The following LRRC4C variants were observed in gnomAD, a reference collection of about 807,000 sequenced individuals.
The protein encoded by LRRC4C is leucine-rich repeat-containing protein 4C.
Under a neutral mutation model 33.6 loss-of-function variants are expected in LRRC4C, and 5 were observed. The ratio of observed to expected loss-of-function variants is 0.15; its 90% confidence interval spans 0.08 to 0.31. The LOEUF (loss-of-function observed/expected upper bound fraction) is 0.31, where lower values mean the gene tolerates loss of function less well. LRRC4C is among the 10% of genes least tolerant of loss of function. The pLI is 1.00. For missense variants in LRRC4C, 560 were observed against 796.7 expected (o/e 0.70, Z 3.58); for synonymous variants, 329 against 302.0 (o/e 1.09, Z -0.93).
At chr11:40,282,375 A>C (rs775547078) in intron 4 of LRRC4C, among the ~76,000 whole-genome samples, 2 of 151,860 alleles carry the variant, frequency 1.3e-5, no homozygotes, top group Admixed American at 6.6e-5. Flanking sequence ...CAACAAAAAA[A>C]CCCCAAAAAC....
At position 40,373,851 on chromosome 11, in the gene LRRC4C, T is replaced by C. The variant is rs114125411; in HGVS notation, c.-269-54130A>G. Among the ~76,000 whole-genome samples the C allele has an allele frequency of 7.5e-3, 1,141 of 152,208 alleles. 13 individuals carry two copies. Among genetic ancestry groups the C allele is most frequent in the African/African-American group, 0.025 (1,055 of 41,532 alleles). ...CAAGTTAAAGCTCCCCCAGTCCTCA[T>C]CAGAAGCAAAGCGTACTCTGGAGAC... is the stretch of plus-strand genomic sequence containing the variant. On this transcript the variant is annotated intron_variant, in intron 3 of 6. Coordinates refer to ENST00000528697, the MANE Select transcript of LRRC4C (RefSeq NM_001258419.2).
At chr11:41,321,122 A>G (rs1950946204) in intron 1 of LRRC4C, among the ~76,000 whole-genome samples, 1 of 152,216 alleles carries the variant, frequency 6.6e-6, no homozygotes, top group African/African-American at 2.4e-5. Flanking sequence ...AGGCCCACTA[A>G]TAATTTTTCC....
chr11:40,331,660 G>T (rs1231026351), intron 3 of LRRC4C, among the ~76,000 whole-genome samples: 2 of 152,158 alleles, frequency 1.3e-5, no homozygotes, highest in Admixed American at 6.5e-5. Context: ...ATAACCACAA[G>T]GTGGAGGAAG....
At chr11:41,088,060 G>C (rs1199559936) in intron 1 of LRRC4C, among the ~76,000 whole-genome samples, 1 of 152,042 alleles carries the variant, frequency 6.6e-6, no homozygotes, top group Non-Finnish European at 1.5e-5. Context: ...GGTTGTAAAT[G>C]GCTTGCAAAA....
intron 2 of LRRC4C, among the ~76,000 whole-genome samples, chr11:40,664,544 CA>C (rs35543248): frequency 7.8e-4 from 117 of 150,000 alleles, no homozygotes; most frequent in African/African-American, 2.8e-3. Context: ...GACTCTGTCT[CA>C]AAAAAAAATG....
At chr11:41,001,375 T>C (rs1350403508) in intron 1 of LRRC4C, among the ~76,000 whole-genome samples, 1 of 152,174 alleles carries the variant, frequency 6.6e-6, no homozygotes, top group Non-Finnish European at 1.5e-5. Context: ...CAAATCCTTT[T>C]GTGCAATATC....
At chr11:41,247,619 A>C (rs1948495811) in intron 1 of LRRC4C, among the ~76,000 whole-genome samples, 2 of 152,238 alleles carry the variant, frequency 1.3e-5, no homozygotes, top group African/African-American at 4.8e-5. Flanking sequence ...TGAAAAAGCA[A>C]GAGTGCCTAT....
At chr11:41,098,001 A>C (rs1940924700) in intron 1 of LRRC4C, among the ~76,000 whole-genome samples, 1 of 152,072 alleles carries the variant, frequency 6.6e-6, no homozygotes, top group Non-Finnish European at 1.5e-5. Flanking sequence ...TTCCATTAAA[A>C]AAAATTCCTT....
At chr11:41,259,936 A>G (rs1202365783) in intron 1 of LRRC4C, among the ~76,000 whole-genome samples, 2 of 152,124 alleles carry the variant, frequency 1.3e-5, no homozygotes, top group East Asian at 3.9e-4. Context: ...TTAATATGCC[A>G]TTTTTAATCT....
chr11:41,318,426 A>T (rs1029676953), intron 1 of LRRC4C, among the ~76,000 whole-genome samples: 1 of 152,216 alleles, frequency 6.6e-6, no homozygotes, highest in Non-Finnish European at 1.5e-5. Context: ...GGACTTAATT[A>T]GCAGAGATTC....
chr11:41,441,324 G>T (rs1955611591), intron 1 of LRRC4C, among the ~76,000 whole-genome samples: 1 of 152,082 alleles, frequency 6.6e-6, no homozygotes, highest in African/African-American at 2.4e-5. Flanking sequence ...AGGCAAAATG[G>T]AAGTAGAAAA....
intron 2 of LRRC4C, among the ~76,000 whole-genome samples, chr11:40,859,222 A>T (rs1953955728): frequency 6.6e-6 from 1 of 152,174 alleles, no homozygotes; most frequent in South Asian, 2.1e-4. Context: ...AGTCCAAGCC[A>T]TTAGTTTTTA....
chr11:41,128,069 C>G (rs1023058075), intron 1 of LRRC4C, among the ~76,000 whole-genome samples: 1 of 152,006 alleles, frequency 6.6e-6, no homozygotes, highest in Admixed American at 6.6e-5. Context: ...TTGCACTATT[C>G]ACATCACTGT....
intron 2 of LRRC4C, among the ~76,000 whole-genome samples, chr11:40,786,645 A>G (rs1436398137): frequency 2.6e-5 from 4 of 152,190 alleles, no homozygotes; most frequent in Non-Finnish European, 5.9e-5. Context: ...ATAATATGAA[A>G]GTGGAGTAAA....
intron 2 of LRRC4C, among the ~76,000 whole-genome samples, chr11:40,812,308 CT>C (rs145830238): frequency 0.059 from 8,972 of 152,228 alleles, 316 homozygotes; most frequent in African/African-American, 0.11. Context: ...ACTTAGGCCT[CT>C]GACTGATACA....
intron 3 of LRRC4C, among the ~76,000 whole-genome samples, chr11:40,474,905 C>A (rs1953130740): frequency 6.6e-6 from 1 of 152,100 alleles, no homozygotes; most frequent in South Asian, 2.1e-4. Flanking sequence ...CAATGAGATA[C>A]CATCTCATGC....
intron 5 of LRRC4C, among the ~76,000 whole-genome samples, chr11:40,178,027 A>G (rs1476941107): frequency 6.6e-6 from 1 of 152,216 alleles, no homozygotes; most frequent in Non-Finnish European, 1.5e-5. Flanking sequence ...GTTAGAAATG[A>G]ATGCTATAAT....
At chr11:40,336,709 G>A (rs1254749029) in intron 3 of LRRC4C, among the ~76,000 whole-genome samples, 1 of 152,120 alleles carries the variant, frequency 6.6e-6, no homozygotes, top group Non-Finnish European at 1.5e-5. Context: ...GGGCACGGTG[G>A]CTCACGCCTG....
intron 1 of LRRC4C, among the ~76,000 whole-genome samples, chr11:41,057,592 C>T (rs1023647320): frequency 6.6e-6 from 1 of 152,224 alleles, no homozygotes; most frequent in East Asian, 1.9e-4. Context: ...AATAGGCATG[C>T]ACTGCCTCCC....
Sources: allele counts gnomAD v4.1 joint callset (sites outside exome capture counted in the v4.1 genomes callset), GRCh38; gene constraint gnomAD v4.1.1; transcripts MANE v1.5; gene names NCBI Gene and HGNC (gene_info 2026-07-23, HGNC 2026-07-21).